The following SH3D19 variants were observed in gnomAD, a reference collection of about 807,000 sequenced individuals.
SH3D19 encodes SH3 domain containing 19.
In SH3D19, 58 loss-of-function variants were observed where a neutral mutation model predicts 112.1. The ratio of observed to expected loss-of-function variants is 0.52; its 90% CI spans 0.42 to 0.64. SH3D19 has a LOEUF of 0.64. Among genes scored for constraint, SH3D19 ranks in the 30% least tolerant of loss-of-function variants. The pLI is 0.00. For missense variants in SH3D19, 1,090 were observed against 1,263.4 expected, an observed-to-expected ratio of 0.86 and a Z score of 2.08; for synonymous variants, 391 against 448.5, an observed-to-expected ratio of 0.87 and a Z score of 1.62.
At chr4:151,236,180 T>TG in intron 1 of SH3D19, among the ~76,000 whole-genome samples, 1 of 152,336 alleles carries the variant, frequency 6.6e-6, no homozygotes, top group Middle Eastern at 3.4e-3. Flanking sequence ...CGCTGCGCTG[T>TG]GGGGGCCCCT....
At chr4:151,149,378 T>C (rs1032868804) in intron 10 of SH3D19, 122 bp downstream of exon 10, 1 of 715,330 alleles carries the variant, frequency 1.4e-6, no homozygotes, top group Non-Finnish European at 2.3e-6. Context: ...CTGCGTGAAA[T>C]CGGTGAGATT....
intron 1 of SH3D19, chr4:151,279,240 A>ATTTT: frequency 4.8e-6 from 1 of 207,260 alleles, no homozygotes; most frequent in South Asian, 6.6e-5. Context: ...TTCTTTTTCA[A>ATTTT]TTTTTTTTTT....
chr4:151,187,450 A>G lies in SH3D19; in HGVS notation c.166T>C (p.Ser56Pro), dbSNP rs1264415205. 1 of 1,229,702 alleles carries G rather than the reference A, an allele frequency of 8.1e-7. No homozygotes were observed. Among genetic ancestry groups the G allele is most frequent in the African/African-American group, 1.6e-5 (1 of 64,498 alleles). The allele number at this position is 1,229,702 out of a possible 1,614,324, so 76.2% of individuals were successfully genotyped here. ...CTCTTGATTACCGCTCTAATGGATG[A>G]CAAGGGTCCTTGGCTAGAAAAAGAA... The part of the protein sequence containing the change: ...EHRSSSQGPL[S>P]SIRAVIKRSS... The change falls in exon 3 of 20, where the codon TCA becomes CCA. Residue 56 changes from serine to proline, a missense_variant. Physicochemically the swap from Ser to Pro is moderately conservative, Grantham distance 74 (BLOSUM62 -1). Coordinates refer to ENST00000604030, the MANE Select transcript of SH3D19 (RefSeq NM_001378122.1).
chr4:151,255,854 G>T (rs973413276), intron 1 of SH3D19, among the ~76,000 whole-genome samples: 12 of 152,374 alleles, frequency 7.9e-5, no homozygotes, highest in African/African-American at 2.9e-4. Context: ...GCGAAACACC[G>T]TCTCCACCAA....
intron 1 of SH3D19, among the ~76,000 whole-genome samples, chr4:151,265,112 A>G (rs1772675188): frequency 6.6e-6 from 1 of 152,136 alleles, no homozygotes; most frequent in Non-Finnish European, 1.5e-5. Flanking sequence ...CTTTCCATAC[A>G]TATAAAAAAA....
intron 1 of SH3D19, among the ~76,000 whole-genome samples, chr4:151,302,530 T>C (rs781268906): frequency 2.0e-5 from 3 of 152,116 alleles, no homozygotes; most frequent in Non-Finnish European, 2.9e-5. Context: ...GTTAGCAAAC[T>C]TTTTCTGTAA....
intron 1 of SH3D19, among the ~76,000 whole-genome samples, chr4:151,309,353 A>G (rs1729219544): frequency 1.3e-5 from 2 of 152,232 alleles, no homozygotes; most frequent in Non-Finnish European, 2.9e-5. Context: ...ATAAAACGAT[A>G]CAGGAGTTGA....
At chr4:151,281,306 C>A (rs1467165270) in intron 1 of SH3D19, among the ~76,000 whole-genome samples, 3 of 152,098 alleles carry the variant, frequency 2.0e-5, no homozygotes, top group Non-Finnish European at 4.4e-5. Flanking sequence ...CTTATCAACT[C>A]CAGGAGAAGC....
chr4:151,194,131 T>C (rs13125574), intron 2 of SH3D19, among the ~76,000 whole-genome samples: 104,961 of 149,410 alleles, frequency 0.7, 41,590 homozygotes, highest in Non-Finnish European at 0.89. Flanking sequence ...GTTTTAGCGA[T>C]ACTCCTGCCT....
intron 6 of SH3D19, 121 bp downstream of exon 6, chr4:151,176,413 G>T: frequency 1.4e-6 from 1 of 702,020 alleles, no homozygotes; most frequent in Non-Finnish European, 2.0e-6. Context: ...TGATCACACT[G>T]ACTGGGCAGC....
intron 16 of SH3D19, 99 bp downstream of exon 16, chr4:151,132,935 A>T: frequency 2.0e-6 from 2 of 1,020,548 alleles, no homozygotes; most frequent in Admixed American, 5.6e-5. Flanking sequence ...TACCGTAAAA[A>T]TATGGCAATA....
At chr4:151,267,166 A>AC (rs891080803) in intron 1 of SH3D19, among the ~76,000 whole-genome samples, 10 of 88,666 alleles carry the variant, frequency 1.1e-4, no homozygotes, top group Admixed American at 2.3e-4. Flanking sequence ...CTAAAAAAAA[A>AC]AAAAAATAAA....
chr4:151,263,884 C>G (rs1233476707), intron 1 of SH3D19, among the ~76,000 whole-genome samples: 1 of 152,190 alleles, frequency 6.6e-6, no homozygotes, highest in Non-Finnish European at 1.5e-5. Flanking sequence ...CAGCTCACTG[C>G]AGCCTCGACC....
At chr4:151,288,361 A>T (rs1346642084) in intron 1 of SH3D19, among the ~76,000 whole-genome samples, 1 of 152,258 alleles carries the variant, frequency 6.6e-6, no homozygotes, top group Non-Finnish European at 1.5e-5. Context: ...ACATGATTTT[A>T]TAAATAGAAA....
At chr4:151,126,265 G>T (rs1026309311) in intron 19 of SH3D19, among the ~76,000 whole-genome samples, 3 of 152,084 alleles carry the variant, frequency 2.0e-5, no homozygotes, top group Admixed American at 6.6e-5. Flanking sequence ...AACCCTGTTT[G>T]GTTGTCCACT....
chr4:151,148,333 G>A (rs1016334331), intron 10 of SH3D19, 147 bp from the exon 11 acceptor site: 11 of 822,074 alleles, frequency 1.3e-5, no homozygotes, highest in Non-Finnish European at 2.0e-5. Flanking sequence ...ACTGAAACAT[G>A]CAGGGTATGC....
At chr4:151,131,334 G>T (rs1750647001) in intron 17 of SH3D19, among the ~76,000 whole-genome samples, 1 of 151,422 alleles carries the variant, frequency 6.6e-6, no homozygotes, top group Admixed American at 6.6e-5. Context: ...ATAATTGCTT[G>T]TTTAGTGCTG....
chr4:151,252,085 C>T (rs1489509066), intron 1 of SH3D19, among the ~76,000 whole-genome samples: 2 of 152,162 alleles, frequency 1.3e-5, no homozygotes, highest in Non-Finnish European at 2.9e-5. Flanking sequence ...TCTCACCTTC[C>T]AATTGGTGAG....
chr4:151,171,279 A>C (rs1758999462), intron 7 of SH3D19, among the ~76,000 whole-genome samples: 1 of 151,376 alleles, frequency 6.6e-6, no homozygotes, highest in Non-Finnish European at 1.5e-5. Context: ...GAGAGAAAAG[A>C]CTCTCAGGCT....
Sources: allele counts gnomAD v4.1 joint callset (sites outside exome capture counted in the v4.1 genomes callset), GRCh38; gene constraint gnomAD v4.1.1; transcripts MANE v1.5; gene names NCBI Gene and HGNC (gene_info 2026-07-23, HGNC 2026-07-21).